The following DGKB variants were observed in gnomAD, a reference collection of about 807,000 sequenced individuals.
DGKB encodes diacylglycerol kinase beta.
A neutral mutation model predicts 114.3 loss-of-function variants in DGKB; 67 were observed. That is an observed-to-expected ratio of 0.59 (90% CI 0.48 to 0.72). The LOEUF is 0.72. DGKB is among the 30% of genes least tolerant of loss of function. DGKB has a pLI of 0.00. For missense variants in DGKB, 907 were observed against 975.2 expected, an observed-to-expected ratio of 0.93 and a Z score of 0.93; for synonymous variants, 398 against 323.1, an observed-to-expected ratio of 1.23 and a Z score of -2.49.
intron 21 of DGKB, among the ~76,000 whole-genome samples, chr7:14,403,319 C>T (rs915202289): frequency 2.6e-5 from 4 of 151,888 alleles, no homozygotes; most frequent in Admixed American, 1.3e-4. Context: ...ACCAGCCCCT[C>T]CTTCCTCTAG....
At chr7:14,327,790 CAA>C (rs974892085) in intron 23 of DGKB, among the ~76,000 whole-genome samples, 1 of 151,848 alleles carries the variant, frequency 6.6e-6, no homozygotes, top group Non-Finnish European at 1.5e-5. Flanking sequence ...GACATTTGGG[CAA>C]AAAAGTATTT....
intron 2 of DGKB, among the ~76,000 whole-genome samples, chr7:14,767,779 G>C (rs1228872146): frequency 6.6e-6 from 1 of 151,990 alleles, no homozygotes; most frequent in East Asian, 1.9e-4. Flanking sequence ...GCAAGTATGA[G>C]TTACATTTTT....
chr7:14,463,901 A>G (rs370584970), intron 21 of DGKB, among the ~76,000 whole-genome samples: 1 of 152,180 alleles, frequency 6.6e-6, no homozygotes, highest in East Asian at 1.9e-4. Flanking sequence ...ATTGTAGTCT[A>G]TTGCCACAAG....
intron 21 of DGKB, among the ~76,000 whole-genome samples, chr7:14,381,348 T>C (rs970100029): frequency 3.3e-5 from 5 of 152,198 alleles, no homozygotes; most frequent in African/African-American, 1.2e-4. Flanking sequence ...GAGATAATAA[T>C]TTGAATAACG....
At chr7:14,187,884 T>G in intron 23 of DGKB, among the ~76,000 whole-genome samples, 1 of 151,926 alleles carries the variant, frequency 6.6e-6, no homozygotes, top group Admixed American at 6.5e-5. Context: ...GAAAAATAAA[T>G]TCAAAATTAT....
chr7:14,908,142 T>C (rs1456950090), upstream of DGKB, among the ~76,000 whole-genome samples: 1 of 152,220 alleles, frequency 6.6e-6, no homozygotes, highest in Non-Finnish European at 1.5e-5. Flanking sequence ...GTCCACGTTT[T>C]ATACTGCATG....
At chr7:14,274,925 G>A (rs941449695) in intron 23 of DGKB, among the ~76,000 whole-genome samples, 3 of 149,664 alleles carry the variant, frequency 2.0e-5, no homozygotes, top group African/African-American at 7.5e-5. Flanking sequence ...TTTGGGGGGT[G>A]CACTTCAGTC....
At chr7:14,696,409 G>C (rs1172366590) in intron 8 of DGKB, among the ~76,000 whole-genome samples, 3 of 146,924 alleles carry the variant, frequency 2.0e-5, no homozygotes, top group African/African-American at 5.0e-5. Context: ...GCAGGAGAAT[G>C]GAGTGAACCC....
At chr7:14,864,427 A>G (rs1279260715) in intron 1 of DGKB, among the ~76,000 whole-genome samples, 1 of 152,152 alleles carries the variant, frequency 6.6e-6, no homozygotes, top group Non-Finnish European at 1.5e-5. Flanking sequence ...TGTAGCGTCC[A>G]CAATAGGCCT....
In DGKB at chr7:14,890,052, A is replaced by G. The variant is rs371823192; in HGVS notation, c.-188+12540T>C. On this transcript the variant is annotated intron_variant, in intron 1 of 25. Transcript: ENST00000402815. The stretch of plus-strand genomic sequence containing the variant: ...CAGAATTTACCTAATCATAAAATCT[A>G]ATGATATTCCTCAGTCTGAGAGTCT... Among the ~76,000 whole-genome samples the G allele has an allele frequency of 7.6e-4, 115 of 151,678 alleles. 2 individuals carry two copies. The South Asian group carries it at 0.023, about 30-fold the overall frequency.
chr7:14,273,241 G>C (rs1798521257), intron 23 of DGKB, among the ~76,000 whole-genome samples: 2 of 152,280 alleles, frequency 1.3e-5, no homozygotes, highest in East Asian at 1.9e-4. Context: ...AGCTACTCAG[G>C]AGGCTGAGGT....
intron 21 of DGKB, among the ~76,000 whole-genome samples, chr7:14,421,527 GT>G (rs1219752348): frequency 1.3e-5 from 2 of 151,968 alleles, no homozygotes; most frequent in Non-Finnish European, 2.9e-5. Flanking sequence ...TCTAAAACAA[GT>G]TATTCAAATG....
chr7:14,534,383 GA>G (rs1416997152), intron 20 of DGKB, among the ~76,000 whole-genome samples: 1 of 152,042 alleles, frequency 6.6e-6, no homozygotes, highest in Non-Finnish European at 1.5e-5. Context: ...AGGAGAAGAG[GA>G]GGGGAACAAT....
At chr7:14,491,713 G>A (rs1300709912) in intron 20 of DGKB, among the ~76,000 whole-genome samples, 1 of 151,962 alleles carries the variant, frequency 6.6e-6, no homozygotes, top group East Asian at 1.9e-4. Context: ...GTTCCTGGAG[G>A]ATGTTAAAAA....
At chr7:14,513,483 T>A (rs1788286554) in intron 20 of DGKB, among the ~76,000 whole-genome samples, 2 of 151,688 alleles carry the variant, frequency 1.3e-5, no homozygotes, top group African/African-American at 4.9e-5. Context: ...TTCATTCAAC[T>A]TTAAGACAGT....
rs140815890 is a variant in DGKB at position 14,842,514 on chromosome 7, C to T, written c.-187-1064G>A. On this transcript the variant is annotated intron_variant, in intron 1 of 25. Transcript: ENST00000402815. ...GCTGGATATCTTTTCTCTTTTCTCT[C>T]CCAAGGGCAACCATGGGTTTGGGGA... is the stretch of plus-strand genomic sequence containing the variant. Among the ~76,000 whole-genome samples, 927 of 152,296 alleles carry T rather than the reference C, an allele frequency of 6.1e-3. 5 individuals carry two copies. Among genetic ancestry groups the T allele is most frequent in the Non-Finnish European group, 0.01 (694 of 68,026 alleles).
intron 17 of DGKB, among the ~76,000 whole-genome samples, chr7:14,586,701 A>C (rs1266467717): frequency 6.6e-6 from 1 of 152,052 alleles, no homozygotes; most frequent in Admixed American, 6.6e-5. Flanking sequence ...GCCAATGCTC[A>C]TTTGCCATTA....
intron 9 of DGKB, among the ~76,000 whole-genome samples, chr7:14,692,044 T>C (rs2128991164): frequency 6.6e-6 from 1 of 152,242 alleles, no homozygotes; most frequent in African/African-American, 2.4e-5. Flanking sequence ...TAATGAGGTA[T>C]TATATTGGTT....
intron 1 of DGKB, among the ~76,000 whole-genome samples, chr7:14,894,427 A>C (rs1238115469): frequency 6.6e-6 from 1 of 151,384 alleles, no homozygotes; most frequent in Non-Finnish European, 1.5e-5. Context: ...TCTTTAATGT[A>C]GCTTTGAAAC....
Sources: gnomAD v4.1 joint callset for allele counts (sites outside exome capture counted in the v4.1 genomes callset) on GRCh38, gnomAD v4.1.1 for gene constraint, MANE v1.5 for transcripts, NCBI Gene and HGNC (gene_info 2026-07-23, HGNC 2026-07-21) for gene names.